The following MYCBP2 variants were observed in gnomAD, a reference collection of about 807,000 sequenced individuals.
MYCBP2 encodes the protein E3 ubiquitin-protein ligase MYCBP2.
MYCBP2 carries 120 observed loss-of-function variants against 525.3 expected under a neutral mutation model. The observed-to-expected ratio is 0.23, with a 90% CI of 0.20 to 0.27. The LOEUF is 0.27. MYCBP2 is among the 10% of genes least tolerant of loss of function. The pLI is 1.00. For missense variants in MYCBP2, 4,149 were observed against 5,657.1 expected, an observed-to-expected ratio of 0.73 and a Z score of 8.55; for synonymous variants, 1,894 against 1,955.8, an observed-to-expected ratio of 0.97 and a Z score of 0.83.
rs747074485 is a variant in MYCBP2, at chr13:77,125,427, G to A, written c.7926C>T (p.Asn2642=). 6.2e-7 allele frequency: 1 copy of A among 1,613,788 alleles called. No individual in the cohort carries two copies. Among genetic ancestry groups the A allele is most frequent in the African/African-American group, 1.3e-5 (1 of 74,916 alleles). The change falls in exon 54 of 83, where the codon AAC becomes AAT. Residue 2642 remains asparagine, a synonymous_variant. Transcript: ENST00000544440. The part of the protein sequence containing the change: ...SEGTWVQLDQ[N]SMVEFCESDE... ...CACTCTCACAGAACTCTACCATGCT[G>A]TTCTGATCCAGTTGCACCCATGTCC...
At chr13:77,134,532 AAAAC>A (rs897355868) in intron 52 of MYCBP2, among the ~76,000 whole-genome samples, 34 of 152,116 alleles carry the variant, frequency 2.2e-4, no homozygotes, top group Non-Finnish European at 3.8e-4. Context: ...AGGTGCTGTA[AAAAC>A]AAACAAACAA....
chr13:77,165,627 A>C (rs564840903), intron 41 of MYCBP2, among the ~76,000 whole-genome samples: 1 of 152,300 alleles, frequency 6.6e-6, no homozygotes, highest in East Asian at 1.9e-4. Context: ...ACTTTTTTTC[A>C]TAATCAAACT....
chr13:77,051,952 A>G (rs1168341799), intron 80 of MYCBP2, 34 bp from the exon 81 acceptor site: 2 of 1,559,258 alleles, frequency 1.3e-6, no homozygotes, highest in Non-Finnish European at 1.8e-6. Flanking sequence ...TACAGCAGGA[A>G]AAAAGAAAAC....
At chr13:77,106,364 G>A (rs1013206078) in intron 55 of MYCBP2, among the ~76,000 whole-genome samples, 1 of 152,046 alleles carries the variant, frequency 6.6e-6, no homozygotes, top group African/African-American at 2.4e-5. Flanking sequence ...ATCAAGCTGT[G>A]ACATTCAATA....
chr13:77,259,670 A>G (rs373099504), intron 13 of MYCBP2, among the ~76,000 whole-genome samples: 330 of 152,286 alleles, frequency 2.2e-3, no homozygotes, highest in Admixed American at 4.0e-3. Context: ...TACAGGTGTA[A>G]TTTCCCCAGC....
chr13:77,183,634 C>A (rs2060456212), intron 32 of MYCBP2, among the ~76,000 whole-genome samples: 1 of 131,340 alleles, frequency 7.6e-6, no homozygotes, highest in Non-Finnish European at 1.6e-5. Flanking sequence ...TCAATGCAAC[C>A]TTCACCTCCC....
At chr13:77,070,555 C>CAA in intron 69 of MYCBP2, 76 bp downstream of exon 69, 3 of 1,094,294 alleles carry the variant, frequency 2.7e-6, no homozygotes, top group Non-Finnish European at 4.0e-6. Context: ...TAATAACAAA[C>CAA]AAACAGACAA....
intron 82 of MYCBP2, among the ~76,000 whole-genome samples, chr13:77,047,935 C>CA (rs772774592): frequency 3.9e-5 from 6 of 152,134 alleles, no homozygotes; most frequent in Non-Finnish European, 8.8e-5. Context: ...TTGGGCCCCC[C>CA]TCTCTGCTGG....
chr13:77,061,935 G>A (rs1237562183), intron 74 of MYCBP2, 145 bp from the exon 75 acceptor site: 2 of 841,714 alleles, frequency 2.4e-6, no homozygotes, highest in African/African-American at 1.8e-5. Flanking sequence ...CAGAATTATT[G>A]CAAATGTACT....
At chr13:77,272,778 C>G (rs957998849) in intron 5 of MYCBP2, among the ~76,000 whole-genome samples, 2 of 152,164 alleles carry the variant, frequency 1.3e-5, no homozygotes, top group Non-Finnish European at 2.9e-5. Context: ...CTTTTGCTAT[C>G]TTTGGTCTGC....
intron 17 of MYCBP2, 78 bp downstream of exon 17, chr13:77,242,981 G>T: frequency 8.4e-7 from 1 of 1,185,808 alleles, no homozygotes; most frequent in Non-Finnish European, 1.2e-6. Context: ...TTAGTTTATT[G>T]TGTGAACTTT....
intron 36 of MYCBP2, among the ~76,000 whole-genome samples, chr13:77,175,417 A>G (rs1174251902): frequency 6.6e-6 from 1 of 152,134 alleles, no homozygotes; most frequent in East Asian, 1.9e-4. Flanking sequence ...CCAAAATATA[A>G]TGCACTGTAC....
intron 3 of MYCBP2, among the ~76,000 whole-genome samples, chr13:77,283,380 A>G (rs1163002974): frequency 6.6e-6 from 1 of 152,070 alleles, no homozygotes; most frequent in African/African-American, 2.4e-5. Flanking sequence ...GAGAATATTT[A>G]TTGACCTGGT....
intron 3 of MYCBP2, among the ~76,000 whole-genome samples, chr13:77,283,854 C>T (rs922555890): frequency 2.6e-5 from 4 of 152,098 alleles, no homozygotes; most frequent in Admixed American, 6.5e-5. Context: ...GCTGAGATCA[C>T]GCCACTGCAC....
At chr13:77,178,977 A>G (rs2059967429) in intron 34 of MYCBP2, among the ~76,000 whole-genome samples, 1 of 152,226 alleles carries the variant, frequency 6.6e-6, no homozygotes, top group South Asian at 2.1e-4. Context: ...AAGGGCTTCA[A>G]TCGTCTCTGA....
intron 52 of MYCBP2, among the ~76,000 whole-genome samples, chr13:77,132,516 A>G (rs907296683): frequency 6.6e-6 from 1 of 152,196 alleles, no homozygotes; most frequent in African/African-American, 2.4e-5. Context: ...AGCCTAAAAT[A>G]AGAAGTAATC....
At chr13:77,246,592 G>A (rs1736280791) in intron 15 of MYCBP2, among the ~76,000 whole-genome samples, 1 of 149,704 alleles carries the variant, frequency 6.7e-6, no homozygotes, top group Non-Finnish European at 1.5e-5. Flanking sequence ...AGAAGGAGAA[G>A]GAGGAAGAGG....
At chr13:77,160,823 G>C (rs1219748065) in intron 44 of MYCBP2, among the ~76,000 whole-genome samples, 1 of 152,168 alleles carries the variant, frequency 6.6e-6, no homozygotes, top group Non-Finnish European at 1.5e-5. Flanking sequence ...GGCTATAACA[G>C]AGTCTTCCAT....
At chr13:77,139,935 C>T in intron 51 of MYCBP2, 112 bp downstream of exon 51, 3 of 615,212 alleles carry the variant, frequency 4.9e-6, no homozygotes, top group Non-Finnish European at 5.6e-6. Flanking sequence ...AAAATATTTC[C>T]CAAACTGCTT....
Sources: gnomAD v4.1 joint callset for allele counts (sites outside exome capture counted in the v4.1 genomes callset) on GRCh38, gnomAD v4.1.1 for gene constraint, MANE v1.5 for transcripts, NCBI Gene and HGNC (gene_info 2026-07-23, HGNC 2026-07-21) for gene names.